The following RARB variants were observed in gnomAD, a reference collection of about 807,000 sequenced individuals.
RARB encodes the protein retinoic acid receptor beta.
RARB carries 17 observed loss-of-function variants against 51.9 expected under a neutral mutation model. The observed-to-expected ratio is 0.33, with a 90% CI of 0.22 to 0.49. The LOEUF is 0.49. Among genes scored for constraint, RARB ranks in the 20% least tolerant of loss-of-function variants. RARB has a pLI of 0.99. For missense variants in RARB, 369 were observed against 550.8 expected, an observed-to-expected ratio of 0.67 and a Z score of 3.30; for synonymous variants, 215 against 195.4, an observed-to-expected ratio of 1.10 and a Z score of -0.84.
intron 2 of RARB, among the ~76,000 whole-genome samples, chr3:24,884,809 G>A (rs1703238271): frequency 6.6e-6 from 1 of 152,042 alleles, no homozygotes; most frequent in South Asian, 2.1e-4. Flanking sequence ...GAGATACAGA[G>A]GATCACTGCA....
intron 5 of RARB, among the ~76,000 whole-genome samples, chr3:25,262,708 T>G (rs112040752): frequency 5.9e-5 from 9 of 152,314 alleles, no homozygotes; most frequent in African/African-American, 2.2e-4. Context: ...ACCTGGGAAA[T>G]CCAGGAGAAT....
intron 5 of RARB, among the ~76,000 whole-genome samples, chr3:25,352,029 T>C (rs1295901070): frequency 6.6e-6 from 1 of 152,194 alleles, no homozygotes; most frequent in Non-Finnish European, 1.5e-5. Context: ...GTTTGCACCC[T>C]GAATGCAAAC....
chr3:24,944,186 C>T (rs968828111), intron 2 of RARB, among the ~76,000 whole-genome samples: 3 of 152,168 alleles, frequency 2.0e-5, no homozygotes, highest in South Asian at 2.1e-4. Context: ...ACCTCACTTA[C>T]ATTCTTGTTT....
rs76587524 is a variant in RARB, at chr3:24,953,545, C to A, written c.-380+94793C>A. Among the ~76,000 whole-genome samples the A allele has an allele frequency of 5.6e-3, 847 of 152,234 alleles. 19 individuals are homozygous for A. The highest frequency in any genetic ancestry group is 0.052 in the East Asian group (269 of 5,166). ...CAGATCCCATGAACTCAAAGCTTGG[C>A]TCTGGAGTGTCAAAACACCTACCTG... is the stretch of plus-strand genomic sequence containing the variant. On this transcript the variant is annotated intron_variant, in intron 2 of 11. Coordinates refer to the RARB transcript ENST00000383772.
chr3:24,926,433 T>C (rs1289869100), intron 2 of RARB, among the ~76,000 whole-genome samples: 1 of 152,054 alleles, frequency 6.6e-6, no homozygotes, highest in Admixed American at 6.6e-5. Context: ...ACAAGTTCAA[T>C]TGAAGAGAGA....
intron 2 of RARB, among the ~76,000 whole-genome samples, chr3:25,476,103 T>C (rs1321423927): frequency 6.6e-6 from 1 of 152,180 alleles, no homozygotes; most frequent in Non-Finnish European, 1.5e-5. Context: ...GGTATCTTTC[T>C]ACTGAATCTC....
intron 3 of RARB, among the ~76,000 whole-genome samples, chr3:25,074,777 C>T (rs138183234): frequency 1.3e-5 from 2 of 152,316 alleles, no homozygotes; most frequent in African/African-American, 4.8e-5. Context: ...ACCAGCCTCA[C>T]TTTTGTAACC....
At chr3:25,479,515 G>T (rs1696125072) in intron 2 of RARB, among the ~76,000 whole-genome samples, 1 of 152,186 alleles carries the variant, frequency 6.6e-6, no homozygotes, top group South Asian at 2.1e-4. Flanking sequence ...AATGGAATGT[G>T]CTGAATTTTG....
At chr3:25,211,936 A>G (rs1010103642) in intron 5 of RARB, among the ~76,000 whole-genome samples, 3 of 152,100 alleles carry the variant, frequency 2.0e-5, no homozygotes, top group Admixed American at 6.5e-5. Flanking sequence ...ATACAACTTT[A>G]TTTCCCCACT....
At chr3:25,162,774 C>A (rs958271828) in intron 4 of RARB, among the ~76,000 whole-genome samples, 1 of 152,194 alleles carries the variant, frequency 6.6e-6, no homozygotes, top group Non-Finnish European at 1.5e-5. Context: ...TTTTTATGGT[C>A]AATCAATATA....
chr3:25,074,861 T>C (rs1018531398), intron 3 of RARB, among the ~76,000 whole-genome samples: 1 of 152,206 alleles, frequency 6.6e-6, no homozygotes, highest in Non-Finnish European at 1.5e-5. Flanking sequence ...ACTCTTTTCC[T>C]ACATATGCAG....
rs181706759 is a variant in RARB at position 25,204,658 on chromosome 3, C to G, written c.178+30083C>G. On this transcript the variant is annotated intron_variant, in intron 5 of 11. Transcript: ENST00000383772. ...TCCTTCTAACAGTCAGGACCCTCAG[C>G]TGCAGGTCTGTTGGAGTTTGCTGGA... Among the ~76,000 whole-genome samples the G allele has an allele frequency of 8.5e-4, 129 of 152,342 alleles. No homozygotes were observed. In the Middle Eastern group the frequency reaches 0.02, roughly 24 times the overall value.
intron 7 of RARB, among the ~76,000 whole-genome samples, chr3:25,595,819 G>T (rs1004118287): frequency 6.6e-6 from 1 of 152,302 alleles, no homozygotes; most frequent in Admixed American, 6.5e-5. Flanking sequence ...TGCACATCGT[G>T]AACTCCTCTG....
At chr3:25,222,926 C>A (rs1472822570) in intron 5 of RARB, among the ~76,000 whole-genome samples, 1 of 152,114 alleles carries the variant, frequency 6.6e-6, no homozygotes, top group Admixed American at 6.6e-5. Flanking sequence ...CGAAAACTTA[C>A]CAGAATGAAT....
intron 2 of RARB, among the ~76,000 whole-genome samples, chr3:24,910,108 A>G (rs1472911278): frequency 6.6e-6 from 1 of 152,178 alleles, no homozygotes; most frequent in East Asian, 1.9e-4. Flanking sequence ...CATTTTTGGC[A>G]AAGGATTTGA....
intron 2 of RARB, among the ~76,000 whole-genome samples, chr3:25,041,995 C>G (rs976981128): frequency 6.6e-6 from 1 of 152,100 alleles, no homozygotes; most frequent in Non-Finnish European, 1.5e-5. Context: ...TGCAAACAAT[C>G]AATGAGAGAA....
At chr3:25,035,050 G>C (rs776843856) in intron 2 of RARB, among the ~76,000 whole-genome samples, 1 of 152,176 alleles carries the variant, frequency 6.6e-6, no homozygotes, top group Non-Finnish European at 1.5e-5. Context: ...AATATTAATA[G>C]GTTAGGATCG....
At chr3:24,932,880 C>T (rs978663681) in intron 2 of RARB, among the ~76,000 whole-genome samples, 8 of 151,936 alleles carry the variant, frequency 5.3e-5, no homozygotes, top group Admixed American at 2.0e-4. Context: ...TATTTTCCTG[C>T]TCAGAAAGTA....
At chr3:24,942,025 G>C (rs764723135) in intron 2 of RARB, among the ~76,000 whole-genome samples, 1 of 152,164 alleles carries the variant, frequency 6.6e-6, no homozygotes, top group Admixed American at 6.5e-5. Context: ...AAATGATTTG[G>C]CCATATTGAT....
Sources: allele counts gnomAD v4.1 joint callset (sites outside exome capture counted in the v4.1 genomes callset), GRCh38; gene constraint gnomAD v4.1.1; transcripts MANE v1.5; gene names NCBI Gene and HGNC (gene_info 2026-07-23, HGNC 2026-07-21).